The following GPR17 variants were observed in gnomAD, a reference collection of about 807,000 sequenced individuals.
GPR17 encodes the protein G protein-coupled receptor 17.
A neutral mutation model predicts 1.5 loss-of-function variants in GPR17; 4 were observed. That is an observed-to-expected ratio of 2.73 (90% CI 1.35 to 6.25). The LOEUF (loss-of-function observed/expected upper bound fraction) is 6.25. GPR17 is among the 30% of genes most tolerant of loss of function. The pLI is 0.00. For missense variants in GPR17, 463 were observed against 462.1 expected, an observed-to-expected ratio of 1.00 and a Z score of -0.02; for synonymous variants, 209 against 207.6, an observed-to-expected ratio of 1.01 and a Z score of -0.06.
intron 1 of GPR17, among the ~76,000 whole-genome samples, chr2:127,648,656 C>T (rs760798050): frequency 2.6e-5 from 4 of 152,078 alleles, no homozygotes; most frequent in Admixed American, 1.3e-4. Context: ...AATCCCAGCA[C>T]TTTGGGAGGC....
chr2:127,651,992 A>G lies in GPR17; in HGVS notation c.*237A>G, dbSNP rs1683851160. On this transcript the variant is annotated 3_prime_UTR_variant, in exon 2 of 2. Coordinates refer to ENST00000486700, the MANE Select transcript of GPR17 (RefSeq NM_001161417.2). ...GGCTACAATGGCTCCTAGACACTCA[A>G]CGACTTCATCTGTGGCAGGGAGAGA... The G allele has an allele frequency of 1.8e-6, 1 of 567,398 alleles. No homozygotes were observed. The highest frequency in any genetic ancestry group is 3.2e-6 in the Non-Finnish European group (1 of 311,608). 35.1% of individuals were successfully genotyped at this position (567,398 alleles called of 1,614,324 possible). A position where few individuals can be genotyped will look rare whatever the true frequency, so the allele number is the denominator to read the frequency against.
At chr2:127,650,616 G>A (rs1382402320) in intron 1 of GPR17, 100 bp from the exon 2 acceptor site, 25 of 791,422 alleles carry the variant, frequency 3.2e-5, no homozygotes, top group East Asian at 4.9e-5. Context: ...TTGAAAGTGG[G>A]AGGTTCTGAA....
intron 1 of GPR17, among the ~76,000 whole-genome samples, chr2:127,649,516 T>C (rs1327265107): frequency 6.6e-6 from 1 of 152,180 alleles, no homozygotes; most frequent in African/African-American, 2.4e-5. Context: ...TGACCCCAAT[T>C]CAAAGGCAGG....
At chr2:127,646,672 G>A (rs1683017285) in intron 1 of GPR17, 1 of 152,844 alleles carries the variant, frequency 6.5e-6, no homozygotes, top group South Asian at 2.1e-4. Context: ...CCTCCACAGA[G>A]GCCTATGACC....
chr2:127,650,637 G>GC, intron 1 of GPR17, 79 bp from the exon 2 acceptor site: 1 of 992,970 alleles, frequency 1.0e-6, no homozygotes, highest in Non-Finnish European at 1.5e-6. Flanking sequence ...GGCATTGGAG[G>GC]CCTGACTTCT....
Position 127,650,851 on chromosome 2 carries a change from T to C in GPR17, c.116T>C (p.Leu39Pro). 2 of 1,614,164 alleles carry C rather than the reference T, an allele frequency of 1.2e-6. No homozygotes were observed. Among genetic ancestry groups the C allele is most frequent in the Non-Finnish European group, 1.7e-6 (2 of 1,180,030 alleles). Residue 39 changes from leucine (L) to proline (P), a missense_variant, in exon 2 of 2, where the codon CTT becomes CCT. Physicochemically the swap from Leu to Pro is moderately conservative, Grantham distance 98. Coordinates refer to ENST00000486700, the MANE Select transcript of GPR17 (RefSeq NM_001161417.2). ...AACATGCTGTTCGCCTCCTTCTACC[T>C]TCTGGATTTTATCCTGGCTTTAGTT... ...LENMLFASFY[L>P]LDFILALVGN... is the part of the protein sequence containing the mutation.
At chr2:127,649,275 C>T (rs1006031808) in intron 1 of GPR17, among the ~76,000 whole-genome samples, 12 of 152,100 alleles carry the variant, frequency 7.9e-5, no homozygotes, top group African/African-American at 2.9e-4. Context: ...GGTGCAGAGC[C>T]AGGCTCGCCC....
At position 127,651,708 on chromosome 2, in the gene GPR17, G is replaced by A. The variant is rs78078469; in HGVS notation, c.973G>A (p.Glu325Lys). ...GCTCAAGGGCCCGCCCCCCAGCTTC[G>A]AAGGGAAAACCAACGAGAGCTCGCT... is the stretch of plus-strand genomic sequence containing the variant. ...KRLKGPPPSF[E>K]GKTNESSLSA... Residue 325 changes from glutamate to lysine, a missense_variant, in exon 2 of 2, where the codon GAA becomes AAA. Coordinates refer to ENST00000486700, the MANE Select transcript of GPR17 (RefSeq NM_001161417.2). The A allele has an allele frequency of 1.2e-5, 19 of 1,612,956 alleles. No individual in the cohort carries two copies. Among genetic ancestry groups the A allele is most frequent in the Middle Eastern group, 1.6e-4 (1 of 6,084 alleles).
Position 127,651,143 on chromosome 2 carries a change from G to A in GPR17, c.408G>A (p.Pro136=), listed in dbSNP as rs61749489. The change falls in exon 2 of 2, where the codon CCG becomes CCA. Residue 136 remains proline (P), a synonymous_variant. Coordinates refer to ENST00000486700, the MANE Select transcript of GPR17 (RefSeq NM_001161417.2). ...SADRFLAIVH[P]VKSLKLRRPL... ...ACCGTTTCCTGGCCATTGTGCACCC[G>A]GTCAAGTCCCTCAAGCTCCGCAGGC... 994 of 1,613,216 alleles carry A rather than the reference G, an allele frequency of 6.2e-4. 3 individuals carry two copies. The highest frequency in any genetic ancestry group is 5.4e-3 in the East Asian group (243 of 44,884).
chr2:127,650,031 G>A (rs1006369578), intron 1 of GPR17: 4 of 1,608,788 alleles, frequency 2.5e-6, no homozygotes, highest in African/African-American at 1.3e-5. Flanking sequence ...CGGAGTTGGT[G>A]GGCTGGATCC....
chr2:127,650,679 G>T, intron 1 of GPR17, 37 bp from the exon 2 acceptor site: 1 of 1,447,408 alleles, frequency 6.9e-7, no homozygotes, highest in Non-Finnish European at 9.5e-7. Context: ...TGCCTAGATC[G>T]CAAGCTCATT....
chr2:127,648,134 G>A lies in GPR17; in HGVS notation c.-21+1890G>A, dbSNP rs1015745436. 1.2e-4 allele frequency: 114 copies of A among 985,458 alleles called. 1 individual carries two copies. The African/African-American group carries it at 1.8e-3, about 16-fold the overall frequency. The allele number at this position is 985,458 out of a possible 1,614,324, so 61.0% of individuals were successfully genotyped here. A position where few individuals can be genotyped will look rare whatever the true frequency, so the allele number is the denominator to read the frequency against. ...ACCAGCCAGACCAAGTCAGAGTACTGTGGAACCTGGATTCCTGGGGAATGG... is the reference window on the plus strand; with the variant it reads ...ACCAGCCAGACCAAGTCAGAGTACTATGGAACCTGGATTCCTGGGGAATGG... On this transcript the variant is annotated intron_variant, in intron 1 of 1. Coordinates refer to ENST00000486700, the MANE Select transcript of GPR17 (RefSeq NM_001161417.2).
chr2:127,649,257 G>A (rs571900523), intron 1 of GPR17, among the ~76,000 whole-genome samples: 1 of 151,354 alleles, frequency 6.6e-6, no homozygotes, highest in East Asian at 1.9e-4. Flanking sequence ...GCAGGACCCC[G>A]GCTGTTCGGT....
chr2:127,650,913 C>T lies in GPR17; in HGVS notation c.178C>T (p.His60Tyr). ...GGCTCTGTGGCTTTTCATCCGAGAC[C>T]ACAAGTCCGGGACCCCGGCCAACGT... is the stretch of plus-strand genomic sequence containing the variant. ...TLALWLFIRD[H>Y]KSGTPANVFL... The change falls in exon 2 of 2, where the codon CAC becomes TAC. Residue 60 changes from histidine (H) to tyrosine (Y), a missense_variant. His to Tyr is a moderately conservative substitution (Grantham distance 83). Coordinates refer to ENST00000486700, the MANE Select transcript of GPR17 (RefSeq NM_001161417.2). 2 of 1,614,062 alleles carry T rather than the reference C, an allele frequency of 1.2e-6. No homozygotes were observed. The highest frequency in any genetic ancestry group is 1.7e-6 in the Non-Finnish European group (2 of 1,180,036).
At chr2:127,649,108 AAG>A (rs1683386775) in intron 1 of GPR17, among the ~76,000 whole-genome samples, 1 of 151,148 alleles carries the variant, frequency 6.6e-6, no homozygotes, top group African/African-American at 2.4e-5. Flanking sequence ...GAAAAGAAAA[AAG>A]GAAAATAAAG....
In GPR17 at chr2:127,650,965, A is replaced by G. The variant is rs200918844; in HGVS notation, c.230A>G (p.Asp77Gly). The change falls in exon 2 of 2, where the codon GAC becomes GGC. Residue 77 changes from aspartate to glycine, a missense_variant. By Grantham distance (94) the Asp-to-Gly change is moderately conservative. Coordinates refer to ENST00000486700, the MANE Select transcript of GPR17 (RefSeq NM_001161417.2). ...NVFLMHLAVA[D>G]LSCVLVLPTR... is the part of the protein sequence containing the mutation. ...TTCCTGATGCATCTGGCCGTGGCCG[A>G]CTTGTCGTGCGTGCTGGTCCTGCCC... 2.5e-6 allele frequency: 4 copies of G among 1,613,782 alleles called. No individual in the cohort carries two copies. In the Admixed American group the frequency reaches 6.7e-5, roughly 27 times the overall value.
In GPR17 at chr2:127,651,188, C is replaced by T; in HGVS notation, c.453C>T (p.Ala151=). 1 of 1,611,444 alleles carries T rather than the reference C, an allele frequency of 6.2e-7. No individual in the cohort carries two copies. Among genetic ancestry groups the T allele is most frequent in the East Asian group, 2.2e-5 (1 of 44,886 alleles). The change falls in exon 2 of 2, where the codon GCC becomes GCT. Residue 151 remains alanine, a synonymous_variant. Transcript: ENST00000486700. ...GCAGGCCCCTCTACGCACACCTGGC[C>T]TGTGCCTTCCTGTGGGTGGTGGTGG... ...KLRRPLYAHL[A]CAFLWVVVAV...
chr2:127,651,566 G>A lies in GPR17; in HGVS notation c.831G>A (p.Leu277=), dbSNP rs779544947. 6.2e-7 allele frequency: 1 copy of A among 1,612,570 alleles called. No individual in the cohort carries two copies. The highest frequency in any genetic ancestry group is 1.7e-5 in the Admixed American group (1 of 60,010). ...ASCATQRILA[L]ANRITSCLTS... The stretch of plus-strand genomic sequence containing the variant: ...GCGCCACCCAGCGCATCCTGGCCCT[G>A]GCAAACCGCATCACCTCCTGCCTCA... Residue 277 remains leucine, a synonymous_variant, in exon 2 of 2, where the codon CTG becomes CTA. Transcript: ENST00000486700.
chr2:127,648,955 G>A (rs1350942237), intron 1 of GPR17, among the ~76,000 whole-genome samples: 12 of 38,074 alleles, frequency 3.2e-4, no homozygotes, highest in Non-Finnish European at 6.3e-4. Context: ...GGGAGGGGAG[G>A]GGAGGGGAGG....
Sources: allele counts gnomAD v4.1 joint callset (sites outside exome capture counted in the v4.1 genomes callset), GRCh38; gene constraint gnomAD v4.1.1; transcripts MANE v1.5; gene names NCBI Gene and HGNC (gene_info 2026-07-23, HGNC 2026-07-21).